Variants in CEP290 observed in about 807,000 individuals in gnomAD.
The protein encoded by CEP290 is centrosomal protein of 290 kDa.
In CEP290, 317 loss-of-function variants were observed where a neutral mutation model predicts 344.9. The observed-to-expected ratio is 0.92, with a 90% CI of 0.84 to 1.01. The LOEUF (loss-of-function observed/expected upper bound fraction) is 1.01. Ranked by LOEUF, CEP290 falls within the 50% of genes least tolerant of loss-of-function variation. The pLI is 0.00. For missense variants in CEP290, 2,754 were observed against 2,761.4 expected (o/e 1.00, Z 0.06); for synonymous variants, 932 against 895.8 (o/e 1.04, Z -0.72).
intron 13 of CEP290, among the ~76,000 whole-genome samples, chr12:88,123,542 T>C (rs1402504667): frequency 6.6e-6 from 1 of 152,096 alleles, no homozygotes; most frequent in Non-Finnish European, 1.5e-5. Context: ...GGGCTCTCCA[T>C]ACTCCTGCTT....
chr12:88,054,237 C>G (rs553872153), intron 51 of CEP290, 103 bp downstream of exon 51: 1 of 739,488 alleles, frequency 1.4e-6, no homozygotes, highest in Non-Finnish European at 2.2e-6. Flanking sequence ...GCAGTAAAGT[C>G]GAAAAATGCT....
intron 13 of CEP290, among the ~76,000 whole-genome samples, chr12:88,124,805 T>C (rs1267890021): frequency 6.6e-6 from 1 of 151,992 alleles, no homozygotes; most frequent in African/African-American, 2.4e-5. Context: ...ATTTGATGTG[T>C]TAAAAAAGGT....
At chr12:88,064,704 TA>T (rs1397012421) in intron 44 of CEP290, among the ~76,000 whole-genome samples, 1 of 152,162 alleles carries the variant, frequency 6.6e-6, no homozygotes, top group East Asian at 1.9e-4. Context: ...TGGACATTTA[TA>T]AGCCAAGGAG....
chr12:88,124,177 C>T (rs921767627), intron 13 of CEP290, among the ~76,000 whole-genome samples: 1 of 152,084 alleles, frequency 6.6e-6, no homozygotes, highest in African/African-American at 2.4e-5. Flanking sequence ...TGTCCCTTCT[C>T]ACTTAAAAGC....
intron 31 of CEP290, 27 bp downstream of exon 31, chr12:88,089,002 TAAA>T: frequency 1.7e-6 from 2 of 1,198,208 alleles, no homozygotes; most frequent in Non-Finnish European, 1.1e-6. Flanking sequence ...TACTGTCTCT[TAAA>T]AAAAAAAATC....
intron 14 of CEP290, among the ~76,000 whole-genome samples, 182 bp from the exon 15 acceptor site, chr12:88,120,458 T>C (rs561469820): frequency 6.6e-6 from 1 of 152,318 alleles, no homozygotes; most frequent in Admixed American, 6.5e-5. Flanking sequence ...TGATGTAATA[T>C]GCAACAGTTA....
At position 88,050,380 on chromosome 12, in the gene CEP290, A is replaced by G; in HGVS notation, c.7183T>C (p.Ser2395Pro). 1 of 1,556,768 alleles carries G rather than the reference A, an allele frequency of 6.4e-7. No homozygotes were observed. Among genetic ancestry groups the G allele is most frequent in the Non-Finnish European group, 8.8e-7 (1 of 1,137,382 alleles). Residue 2395 changes from serine (S) to proline (P), a missense_variant, in exon 53 of 54, where the codon TCA becomes CCA. By Grantham distance (74) the Ser-to-Pro change is moderately conservative. Coordinates refer to ENST00000552810, the MANE Select transcript of CEP290 (RefSeq NM_025114.4). ...IKDLETQLKMSDLEKQHLKEE... is the reference protein window; with the variant it reads ...IKDLETQLKMPDLEKQHLKEE... ...TTCAAATGCTGCTTTTCTAGATCTG[A>G]CATTTTGAGCTGTGTCTCTAGATCT... is the stretch of plus-strand genomic sequence containing the variant.
rs541984171 is a variant in CEP290, at chr12:88,065,535, G to C, written c.6136-1420C>G. ...CTACAGTTTATAAGTGAAGGCATTAGACAGGATAACTTTTAAGGTTATTTC... is the reference window on the plus strand; with the variant it reads ...CTACAGTTTATAAGTGAAGGCATTACACAGGATAACTTTTAAGGTTATTTC... On this transcript the variant is annotated intron_variant, in intron 44 of 53. Coordinates refer to ENST00000552810, the MANE Select transcript of CEP290 (RefSeq NM_025114.4). 1.1e-3 allele frequency among the ~76,000 whole-genome samples: 164 copies of C among 152,292 alleles called. 1 individual carries two copies. The highest frequency in any genetic ancestry group is 3.8e-3 in the African/African-American group (160 of 41,572).
chr12:88,087,415 T>C (rs1592848887), intron 32 of CEP290, among the ~76,000 whole-genome samples: 1 of 152,094 alleles, frequency 6.6e-6, no homozygotes, highest in African/African-American at 2.4e-5. Flanking sequence ...AAGGATAACA[T>C]AGTCATTTGT....
At position 88,089,015 on chromosome 12, in the gene CEP290, C is replaced by A; in HGVS notation, c.4029+17G>T. ...GATACTGTCTCTTAAAAAAAAAAAT[C>A]AAGTTTAAATGTTTACCTTTTGGGC... On this transcript the variant is annotated intron_variant, in intron 31 of 53. Coordinates refer to ENST00000552810, the MANE Select transcript of CEP290 (RefSeq NM_025114.4). 6.8e-7 allele frequency: 1 copy of A among 1,461,304 alleles called. No homozygotes were observed. Among genetic ancestry groups the A allele is most frequent in the Non-Finnish European group, 9.1e-7 (1 of 1,097,462 alleles). The allele number at this position is 1,461,304 out of a possible 1,614,324, so 90.5% of individuals were successfully genotyped here. A position where few individuals can be genotyped will look rare whatever the true frequency, so the allele number is the denominator to read the frequency against.
In CEP290 at chr12:88,101,513, G is replaced by C. The variant is rs10858687; in HGVS notation, c.2991+1325C>G. On this transcript the variant is annotated intron_variant, in intron 26 of 53. Coordinates refer to ENST00000552810, the MANE Select transcript of CEP290 (RefSeq NM_025114.4). ...AAAAAAAAAAAAAAAAAATTAGCTG[G>C]TGTGGTGGTGCACACCTGTAATCCC... is the stretch of plus-strand genomic sequence containing the variant. Among the ~76,000 whole-genome samples, 114,753 of 147,020 alleles carry C rather than the reference G, an allele frequency of 0.78. 48,798 individuals are homozygous for C. The highest frequency in any genetic ancestry group is 0.97 in the East Asian group (4,803 of 4,974).
intron 6 of CEP290, among the ~76,000 whole-genome samples, chr12:88,135,084 T>C (rs971096593): frequency 4.6e-5 from 7 of 152,142 alleles, no homozygotes; most frequent in East Asian, 1.9e-4. Context: ...TTATTGACTA[T>C]GAATATTCTT....
chr12:88,077,397 A>G (rs2035859125), intron 40 of CEP290, 53 bp from the exon 41 acceptor site: 4 of 1,193,104 alleles, frequency 3.4e-6, no homozygotes, highest in Non-Finnish European at 4.6e-6. Context: ...AAAACAAAAT[A>G]GACAGTAAAT....
At chr12:88,130,442 A>G (rs750212066) in intron 8 of CEP290, 22 bp from the exon 9 acceptor site, 1 of 1,600,932 alleles carries the variant, frequency 6.2e-7, no homozygotes, top group East Asian at 2.2e-5. Context: ...CAAACACAAC[A>G]TTCAATTACA....
At position 88,083,085 on chromosome 12, in the gene CEP290, C is replaced by T; in HGVS notation, c.4958G>A (p.Arg1653Lys). The T allele has an allele frequency of 6.6e-7, 1 of 1,525,538 alleles. No homozygotes were observed. The highest frequency in any genetic ancestry group is 1.3e-5 in the South Asian group (1 of 78,080). The allele number at this position is 1,525,538 out of a possible 1,614,324, so 94.5% of individuals were successfully genotyped here. A position where few individuals can be genotyped will look rare whatever the true frequency, so the allele number is the denominator to read the frequency against. Residue 1653 changes from arginine to lysine, a missense_variant, in exon 37 of 54, where the codon AGA becomes AAA. Coordinates refer to ENST00000552810, the MANE Select transcript of CEP290 (RefSeq NM_025114.4). The part of the protein sequence containing the change: ...KLKKVSQDLE[R>K]QREITELKVK... ...TTTTAATTCAGTGATTTCTCTTTGT[C>T]TCTCCAAATCTTGTGATACTTTCTT...
chr12:88,084,679 A>G lies in CEP290; in HGVS notation c.4611T>C (p.Ile1537=). Residue 1537 remains isoleucine, a synonymous_variant, in exon 35 of 54, where the codon ATT becomes ATC. Coordinates refer to ENST00000552810, the MANE Select transcript of CEP290 (RefSeq NM_025114.4). ...MEPKSHHTLK[I]AHQTIANMQA... ...GCATGTTTGCAATGGTTTGATGAGC[A>G]ATTTTCAATGTGTGGTGAGATTTTG... 6.2e-7 allele frequency: 1 copy of G among 1,613,766 alleles called. No individual in the cohort carries two copies. The highest frequency in any genetic ancestry group is 2.2e-5 in the East Asian group (1 of 44,862).
intron 27 of CEP290, among the ~76,000 whole-genome samples, chr12:88,096,578 T>C (rs572273769): frequency 6.6e-6 from 1 of 152,204 alleles, no homozygotes; most frequent in South Asian, 2.1e-4. Context: ...GTGAAAGAAC[T>C]CATAATACCA....
chr12:88,083,857 T>C lies in CEP290; in HGVS notation c.4802A>G (p.Gln1601Arg). ...TTCTTAGAATCTTACCCAAGCCGTT[T>C]GTTTGAATTTATTTAGTGAACTATC... ...QADSSLNKFK[Q>R]TAWDLMKQSP... Residue 1601 changes from glutamine (Q) to arginine (R), a missense_variant, in exon 36 of 54, where the codon CAA becomes CGA. Physicochemically the swap from Gln to Arg is conservative, Grantham distance 43. Transcript: ENST00000552810. 1 of 1,572,620 alleles carries C rather than the reference T, an allele frequency of 6.4e-7. No individual in the cohort carries two copies. Among genetic ancestry groups the C allele is most frequent in the Non-Finnish European group, 8.7e-7 (1 of 1,155,468 alleles).
intron 37 of CEP290, 80 bp from the exon 38 acceptor site, chr12:88,080,475 G>C: frequency 1.9e-6 from 2 of 1,034,558 alleles, no homozygotes; most frequent in South Asian, 3.3e-5. Context: ...TGTCACCCAG[G>C]CTGGAGTGCA....
Sources: gnomAD v4.1 joint callset for allele counts (sites outside exome capture counted in the v4.1 genomes callset) on GRCh38, gnomAD v4.1.1 for gene constraint, MANE v1.5 for transcripts, NCBI Gene and HGNC (gene_info 2026-07-23, HGNC 2026-07-21) for gene names.